RBPJ: variants seen among roughly 807,000 people sequenced by gnomAD.
The protein encoded by RBPJ is recombining binding protein suppressor of hairless.
Under a neutral mutation model 67.8 loss-of-function variants are expected in RBPJ, and 9 were observed. The observed-to-expected ratio is 0.13, with a 90% CI of 0.08 to 0.23. RBPJ has a LOEUF of 0.23. Among genes scored for constraint, RBPJ ranks in the 10% least tolerant of loss-of-function variants. RBPJ has a pLI of 1.00. For synonymous variants in RBPJ, 198 were observed against 203.3 expected, an observed-to-expected ratio of 0.97 and a Z score of 0.22; for missense variants, 305 against 595.6, an observed-to-expected ratio of 0.51 and a Z score of 5.08.
intron 2 of RBPJ, among the ~76,000 whole-genome samples, chr4:26,394,439 A>G (rs547102492): frequency 8.2e-4 from 125 of 151,608 alleles, no homozygotes; most frequent in African/African-American, 2.8e-3. Flanking sequence ...TCCCTTTAAT[A>G]TGGCCCACAA....
At chr4:26,320,085 C>G (rs1346632455), upstream of RBPJ, among the ~76,000 whole-genome samples, 2 of 152,228 alleles carry the variant, frequency 1.3e-5, no homozygotes. Flanking sequence ...TGGGCTCACA[C>G]ACGGTGGTGG....
chr4:26,372,776 TA>T (rs1454992597), intron 1 of RBPJ, among the ~76,000 whole-genome samples: 1 of 152,010 alleles, frequency 6.6e-6, no homozygotes, highest in East Asian at 1.9e-4. Flanking sequence ...GTAGAAGCAT[TA>T]ATGAGCTTGT....
intron 2 of RBPJ, among the ~76,000 whole-genome samples, chr4:26,400,885 G>T (rs941968524): frequency 3.9e-5 from 6 of 152,184 alleles, no homozygotes; most frequent in African/African-American, 1.4e-4. Context: ...CTAGAATATA[G>T]TAAGCTTCCA....
intron 1 of RBPJ, among the ~76,000 whole-genome samples, chr4:26,331,179 C>T (rs1724210947): frequency 6.6e-6 from 1 of 152,158 alleles, no homozygotes; most frequent in African/African-American, 2.4e-5. Flanking sequence ...TGGCTCACTG[C>T]AGCCTCAATC....
At chr4:26,189,229 A>T (rs1251843969) in intron 1 of RBPJ, among the ~76,000 whole-genome samples, 1 of 152,206 alleles carries the variant, frequency 6.6e-6, no homozygotes, top group African/African-American at 2.4e-5. Context: ...TATTAAAAAC[A>T]AATCATAAAT....
chr4:26,319,911 G>A, upstream of RBPJ: 2 of 1,589,734 alleles, frequency 1.3e-6, no homozygotes, highest in South Asian at 1.1e-5. Flanking sequence ...GGCGGGATTC[G>A]GGCCCTTCAC....
upstream of RBPJ, among the ~76,000 whole-genome samples, chr4:26,315,167 A>AAAATATAT (rs1325689348): frequency 1.6e-4 from 12 of 74,762 alleles, no homozygotes; most frequent in Non-Finnish European, 2.1e-4. Flanking sequence ...AAAAAAAAAA[A>AAAATATAT]ATATATATAT....
At chr4:26,113,075 T>C in the RBPJ span, 1 of 170,024 alleles carries the variant, frequency 5.9e-6, no homozygotes, top group Non-Finnish European at 1.3e-5. Flanking sequence ...TCTTTGTGAA[T>C]GCAATGAATA....
intron 1 of RBPJ, among the ~76,000 whole-genome samples, chr4:26,247,738 T>C (rs1719976512): frequency 6.6e-6 from 1 of 152,182 alleles, no homozygotes; most frequent in Non-Finnish European, 1.5e-5. Context: ...AAGAATTTAC[T>C]TTGTAATTTC....
chr4:26,420,873 C>T lies in RBPJ; in HGVS notation c.496+148C>T, dbSNP rs769614471. ...TCTTTATTGTCTCTCTTTTTTTAAT[C>T]GTAAATCGACAGTATGTGGTCTAAT... is the stretch of plus-strand genomic sequence containing the variant. On this transcript the variant is annotated intron_variant, in intron 5 of 10. Coordinates refer to ENST00000355476, the MANE Select transcript of RBPJ (RefSeq NM_015874.6). The T allele has an allele frequency of 3.8e-4, 244 of 649,136 alleles. 1 individual carries two copies. Among genetic ancestry groups the T allele is most frequent in the Non-Finnish European group, 5.0e-4 (197 of 391,526 alleles). The allele number at this position is 649,136 out of a possible 1,614,324, so 40.2% of individuals were successfully genotyped here.
intron 1 of RBPJ, among the ~76,000 whole-genome samples, chr4:26,335,617 C>CTT (rs34386877): frequency 2.5e-4 from 27 of 107,836 alleles, no homozygotes; most frequent in Non-Finnish European, 3.4e-4. Flanking sequence ...ATGCTTACTT[C>CTT]TTTTTTTTTT....
chr4:26,188,863 T>C (rs1261596288), intron 1 of RBPJ, among the ~76,000 whole-genome samples: 1 of 152,246 alleles, frequency 6.6e-6, no homozygotes, highest in Non-Finnish European at 1.5e-5. Context: ...TTTACATTGA[T>C]ATAGATCTGA....
chr4:26,394,180 C>T (rs536195510), intron 2 of RBPJ, among the ~76,000 whole-genome samples: 79 of 152,180 alleles, frequency 5.2e-4, no homozygotes, highest in Non-Finnish European at 9.1e-4. Context: ...GTACCTGCCA[C>T]CACACCCGGC....
At chr4:26,320,824 C>T (rs1467166878), upstream of RBPJ, 4 of 1,560,158 alleles carry the variant, frequency 2.6e-6, no homozygotes, top group African/African-American at 4.1e-5. Context: ...GGGTAGGTTT[C>T]CAGGGAAGGC....
chr4:26,331,787 T>C (rs1724292819), intron 1 of RBPJ, among the ~76,000 whole-genome samples: 1 of 152,248 alleles, frequency 6.6e-6, no homozygotes, highest in African/African-American at 2.4e-5. Flanking sequence ...TCTGCCTCTT[T>C]TCTCTCTAGC....
intron 4 of RBPJ, among the ~76,000 whole-genome samples, chr4:26,417,102 T>C (rs16878308): frequency 0.014 from 2,154 of 152,318 alleles, 51 homozygotes; most frequent in African/African-American, 0.049. Context: ...CTCAGAGTTA[T>C]ATGTCTCCAG....
intron 1 of RBPJ, among the ~76,000 whole-genome samples, chr4:26,372,863 C>A (rs912977165): frequency 6.6e-6 from 1 of 152,052 alleles, no homozygotes; most frequent in African/African-American, 2.4e-5. Context: ...TGTTTTTTTC[C>A]CTTTCAGAGC....
chr4:26,188,480 A>T (rs1276813872), intron 1 of RBPJ, among the ~76,000 whole-genome samples: 1 of 152,216 alleles, frequency 6.6e-6, no homozygotes, highest in Admixed American at 6.5e-5. Flanking sequence ...TTATTTTACC[A>T]GTTATCCTTA....
chr4:26,291,999 A>G (rs1336619660), intron 1 of RBPJ, among the ~76,000 whole-genome samples: 1 of 150,992 alleles, frequency 6.6e-6, no homozygotes, highest in Non-Finnish European at 1.5e-5. Context: ...ATATGTACAT[A>G]TTGTGAAATG....
Sources: allele counts gnomAD v4.1 joint callset (sites outside exome capture counted in the v4.1 genomes callset), GRCh38; gene constraint gnomAD v4.1.1; transcripts MANE v1.5; gene names NCBI Gene and HGNC (gene_info 2026-07-23, HGNC 2026-07-21).